Variants in HYCC1 observed in about 807,000 individuals in gnomAD.
HYCC1 encodes the protein hyccin.
the HYCC1 span, among the ~76,000 whole-genome samples, chr7:23,003,552 G>C: frequency 1.3e-5 from 2 of 152,126 alleles, no homozygotes; most frequent in East Asian, 3.9e-4. Context: ...AAACATAACA[G>C]CATATGGAAA....
At chr7:22,911,535 G>A in the HYCC1 span, among the ~76,000 whole-genome samples, 5 of 152,160 alleles carry the variant, frequency 3.3e-5, no homozygotes, top group South Asian at 2.1e-4. Flanking sequence ...CGAGGTGGGC[G>A]GATCACGAGG....
chr7:22,934,404 C>T, the HYCC1 span: 1 of 152,078 alleles, frequency 6.6e-6, no homozygotes, highest in East Asian at 1.9e-4. Context: ...GTTTCCATAA[C>T]TTGTTTGCTT....
the HYCC1 span, among the ~76,000 whole-genome samples, chr7:22,975,580 A>G: frequency 6.6e-6 from 1 of 152,224 alleles, no homozygotes; most frequent in Non-Finnish European, 1.5e-5. Context: ...AAAGAAGCCA[A>G]CCACATGCCA....
the HYCC1 span, among the ~76,000 whole-genome samples, chr7:22,920,181 CAA>C: frequency 0.051 from 7,802 of 151,880 alleles, 222 homozygotes; most frequent in Non-Finnish European, 0.056. Flanking sequence ...CCTGCCTCCA[CAA>C]AAAAATATTT....
At chr7:22,976,647 A>T in the HYCC1 span, 40 of 1,176,962 alleles carry the variant, frequency 3.4e-5, no homozygotes, top group Non-Finnish European at 4.9e-5. Flanking sequence ...TAATTTTCTT[A>T]AAAAATTAGT....
chr7:22,925,096 C>A, the HYCC1 span, among the ~76,000 whole-genome samples: 3 of 152,292 alleles, frequency 2.0e-5, no homozygotes, highest in Admixed American at 2.0e-4. Context: ...CTCCAGTAAA[C>A]TCCAACAGAC....
At chr7:23,009,507 T>A in the HYCC1 span, among the ~76,000 whole-genome samples, 23 of 152,268 alleles carry the variant, frequency 1.5e-4, no homozygotes, top group Non-Finnish European at 1.9e-4. Context: ...ATGACCAAGT[T>A]ACAATGCCAA....
the HYCC1 span, among the ~76,000 whole-genome samples, chr7:22,957,123 GT>G: frequency 6.6e-6 from 1 of 151,864 alleles, no homozygotes. Flanking sequence ...AGATTGGGCT[GT>G]AAAGAAAATT....
At chr7:22,927,560 T>C in the HYCC1 span, among the ~76,000 whole-genome samples, 1 of 152,180 alleles carries the variant, frequency 6.6e-6, no homozygotes, top group Non-Finnish European at 1.5e-5. Flanking sequence ...TAAACACCTC[T>C]ACGCAAATAA....
the HYCC1 span, among the ~76,000 whole-genome samples, chr7:22,905,443 C>T: frequency 8.9e-5 from 12 of 135,576 alleles, no homozygotes; most frequent in Non-Finnish European, 1.7e-4. Flanking sequence ...CCTTGTTGGC[C>T]GGGCTAGTCT....
chr7:22,903,419 T>A, the HYCC1 span, among the ~76,000 whole-genome samples: 3 of 152,084 alleles, frequency 2.0e-5, no homozygotes, highest in Non-Finnish European at 1.5e-5. Flanking sequence ...AAAAGGATTG[T>A]GAGAGAATAT....
the HYCC1 span, among the ~76,000 whole-genome samples, chr7:22,952,976 T>C: frequency 6.6e-6 from 1 of 151,978 alleles, no homozygotes. Flanking sequence ...ACAATTTGTA[T>C]AGACACACCA....
the HYCC1 span, among the ~76,000 whole-genome samples, chr7:22,959,542 T>C: frequency 6.6e-6 from 1 of 152,082 alleles, no homozygotes; most frequent in African/African-American, 2.4e-5. Context: ...ATAATTTCCT[T>C]CTTAGACTGG....
At chr7:22,979,694 A>G in the HYCC1 span, among the ~76,000 whole-genome samples, 1 of 152,184 alleles carries the variant, frequency 6.6e-6, no homozygotes, top group Non-Finnish European at 1.5e-5. Context: ...TAGTCTAACA[A>G]ACATTGCAAA....
At chr7:22,986,353 G>T in the HYCC1 span, among the ~76,000 whole-genome samples, 9 of 152,146 alleles carry the variant, frequency 5.9e-5, no homozygotes, top group Non-Finnish European at 1.3e-4. Flanking sequence ...TTGTGTTCAT[G>T]AATGGTGTTT....
the HYCC1 span, among the ~76,000 whole-genome samples, chr7:22,988,045 C>T: frequency 3.3e-5 from 5 of 152,288 alleles, no homozygotes; most frequent in East Asian, 7.7e-4. Flanking sequence ...AAGCACTTTT[C>T]TATATTCTAT....
At chr7:22,923,625 A>C in the HYCC1 span, among the ~76,000 whole-genome samples, 7 of 152,156 alleles carry the variant, frequency 4.6e-5, no homozygotes, top group Non-Finnish European at 7.3e-5. Flanking sequence ...CTTTCAAAAA[A>C]ATCAGTAAAA....
chr7:22,922,410 T>C, the HYCC1 span, among the ~76,000 whole-genome samples: 2 of 152,212 alleles, frequency 1.3e-5, no homozygotes, highest in South Asian at 2.1e-4. Context: ...TACTATATCA[T>C]AGCTTAGCTT....
the HYCC1 span, among the ~76,000 whole-genome samples, chr7:22,927,048 A>G: frequency 6.6e-6 from 1 of 152,244 alleles, no homozygotes; most frequent in Non-Finnish European, 1.5e-5. Context: ...CTGCTCAACT[A>G]CATGGAAACT....
Sources: allele counts gnomAD v4.1 joint callset (sites outside exome capture counted in the v4.1 genomes callset), GRCh38; gene constraint gnomAD v4.1.1; transcripts MANE v1.5; gene names NCBI Gene and HGNC (gene_info 2026-07-23, HGNC 2026-07-21).